Variants in SMAD4 observed in about 807,000 individuals in gnomAD.
SMAD4 encodes MAD homolog 4.
In SMAD4, 7 loss-of-function variants were observed where a neutral mutation model predicts 63.2. The observed-to-expected ratio is 0.11, with a 90% confidence interval of 0.06 to 0.21. The LOEUF is 0.21. Ranked by LOEUF, SMAD4 falls within the 10% of genes least tolerant of loss-of-function variation. The pLI, the probability that SMAD4 is intolerant of heterozygous loss-of-function variation, is 1.00. For synonymous variants in SMAD4, 215 were observed against 235.4 expected, an observed-to-expected ratio of 0.91 and a Z score of 0.79; for missense variants, 312 against 693.8, an observed-to-expected ratio of 0.45 and a Z score of 6.18.
chr18:51,058,874 C>G (rs1203903721), intron 7 of SMAD4, among the ~76,000 whole-genome samples: 1 of 152,108 alleles, frequency 6.6e-6, no homozygotes, highest in Admixed American at 6.5e-5. Flanking sequence ...TAACTCTGTG[C>G]TGGCATGATT....
intron 10 of SMAD4, among the ~76,000 whole-genome samples, chr18:51,074,920 G>C (rs910427449): frequency 1.3e-5 from 2 of 152,080 alleles, no homozygotes; most frequent in African/African-American, 4.8e-5. Context: ...TTGGGGTCTT[G>C]GCTGGTCTTG....
intron 1 of SMAD4, among the ~76,000 whole-genome samples, chr18:51,032,284 A>G (rs112992364): frequency 6.6e-6 from 1 of 151,532 alleles, no homozygotes; most frequent in Non-Finnish European, 1.5e-5. Flanking sequence ...CGTTTTTTTT[A>G]TTTTTGAAGT....
Position 51,077,326 on chromosome 18 carries a change from G to T in SMAD4, c.1447+550G>T, listed in dbSNP as rs976679411. On this transcript the variant is annotated intron_variant, in intron 11 of 11. Transcript: ENST00000342988. The stretch of plus-strand genomic sequence containing the variant: ...CTGCAGAGTTAAACTCCTGACTATA[G>T]ACTTTTATGATGGAAACACGTGGCA... The T allele has an allele frequency of 4.3e-6, 4 of 936,960 alleles. No homozygotes were observed. The Admixed American group carries it at 2.5e-4, about 58-fold the overall frequency. 58.0% of individuals were successfully genotyped at this position (936,960 alleles called of 1,614,324 possible). A position where few individuals can be genotyped will look rare whatever the true frequency, so the allele number is the denominator to read the frequency against.
intron 4 of SMAD4, chr18:51,051,412 G>C (rs7229678): frequency 0.37 from 167,042 of 455,358 alleles, 31,498 homozygotes; most frequent in East Asian, 0.45. Context: ...TGATACAAGA[G>C]CAGGTAACTA....
At chr18:51,044,878 CCCATGCAGGTTA>C (rs1387809524) in intron 1 of SMAD4, 1 of 152,182 alleles carries the variant, frequency 6.6e-6, no homozygotes, top group Non-Finnish European at 1.5e-5. Flanking sequence ...TCCAAAATCT[CCCATGCAGGTTA>C]TCTTTGGTTA....
intron 10 of SMAD4, among the ~76,000 whole-genome samples, chr18:51,075,177 T>C (rs1034926870): frequency 2.6e-5 from 4 of 152,008 alleles, no homozygotes; most frequent in African/African-American, 4.8e-5. Context: ...AGTAGAGAAA[T>C]AGGAGTAAGT....
intron 8 of SMAD4, among the ~76,000 whole-genome samples, chr18:51,063,312 GT>G (rs1910067613): frequency 6.6e-6 from 1 of 152,054 alleles, no homozygotes; most frequent in South Asian, 2.1e-4. Context: ...AATCTCTGTA[GT>G]TTTGGTTTAA....
At position 51,081,915 on chromosome 18, in the gene SMAD4, T is replaced by G. The variant is rs1439537965; in HGVS notation, c.*3448T>G. On this transcript the variant is annotated 3_prime_UTR_variant, in exon 12 of 12. Coordinates refer to ENST00000342988, the MANE Select transcript of SMAD4 (RefSeq NM_005359.6). Reference sequence around the variant, plus strand: ...AATGGTAAATGTTTCTGTGCCTGGTTTGATGGTAACTGGTTAATAGTTACT... The same window carrying G: ...AATGGTAAATGTTTCTGTGCCTGGTGTGATGGTAACTGGTTAATAGTTACT... The G allele has an allele frequency of 4.3e-6, 1 of 232,198 alleles. No individual in the cohort carries two copies. Among genetic ancestry groups the G allele is most frequent in the African/African-American group, 2.2e-5 (1 of 45,306 alleles). 14.4% of individuals were successfully genotyped at this position (232,198 alleles called of 1,614,324 possible). A position where few individuals can be genotyped will look rare whatever the true frequency, so the allele number is the denominator to read the frequency against.
chr18:51,046,042 G>A (rs960048942), intron 1 of SMAD4, among the ~76,000 whole-genome samples: 9 of 152,106 alleles, frequency 5.9e-5, no homozygotes, highest in African/African-American at 1.2e-4. Flanking sequence ...GGACATTTGA[G>A]TTGTATCCAT....
At chr18:51,054,675 A>T in intron 4 of SMAD4, 106 bp from the exon 5 acceptor site, 1 of 738,814 alleles carries the variant, frequency 1.4e-6, no homozygotes, top group Non-Finnish European at 2.3e-6. Context: ...TTAGTAATTT[A>T]CACTGTAATT....
At chr18:51,067,243 AGAATT>A in intron 10 of SMAD4, 56 bp downstream of exon 10, 1 of 996,552 alleles carries the variant, frequency 1.0e-6, no homozygotes. Flanking sequence ...TGTTGTCAAA[AGAATT>A]GAAATCTGGG....
At chr18:51,073,694 C>A (rs567764043) in intron 10 of SMAD4, among the ~76,000 whole-genome samples, 25 of 151,926 alleles carry the variant, frequency 1.6e-4, no homozygotes, top group African/African-American at 5.3e-4. Context: ...TCATGCCTGG[C>A]TAATTTTTGC....
Position 51,084,012 on chromosome 18 carries a change from G to GCA in SMAD4, c.*5576_*5577dup, listed in dbSNP as rs56017493. ...TTAACGCGCGTGCGCACGCGCGCGC[G>GCA]CACACACACACACACACACACACAC... On this transcript the variant is annotated 3_prime_UTR_variant, in exon 12 of 12. Coordinates refer to ENST00000342988, the MANE Select transcript of SMAD4 (RefSeq NM_005359.6). 0.15 allele frequency: 23,499 copies of GCA among 159,836 alleles called. 1,104 individuals are homozygous for GCA. The highest frequency in any genetic ancestry group is 0.19 in the African/African-American group (6,558 of 34,912). 9.9% of individuals were successfully genotyped at this position (159,836 alleles called of 1,614,324 possible). A position where few individuals can be genotyped will look rare whatever the true frequency, so the allele number is the denominator to read the frequency against.
At chr18:51,038,186 G>C (rs1909260559) in intron 1 of SMAD4, among the ~76,000 whole-genome samples, 2 of 150,566 alleles carry the variant, frequency 1.3e-5, no homozygotes, top group Non-Finnish European at 3.0e-5. Context: ...CAGCCAGGGA[G>C]TTCAAGGCTG....
chr18:51,050,038 A>G (rs534692347), intron 4 of SMAD4, among the ~76,000 whole-genome samples: 73 of 152,214 alleles, frequency 4.8e-4, no homozygotes, highest in African/African-American at 1.7e-3. Context: ...GTAAGAACTA[A>G]TTAATTTGCA....
Position 51,046,944 on chromosome 18 carries a change from A to G in SMAD4, c.-103A>G, listed in dbSNP as rs750823020. 45 of 1,040,854 alleles carry G rather than the reference A, an allele frequency of 4.3e-5. No individual in the cohort carries two copies. The highest frequency in any genetic ancestry group is 6.5e-5 in the Non-Finnish European group (44 of 680,810). 64.5% of individuals were successfully genotyped at this position (1,040,854 alleles called of 1,614,324 possible). On this transcript the variant is annotated 5_prime_UTR_variant, in exon 2 of 12. Coordinates refer to ENST00000342988, the MANE Select transcript of SMAD4 (RefSeq NM_005359.6). ...GGTTATCCTGAATACATGTCTAACA[A>G]TTTTCCTTGCAACGTTAGCTGTTGT...
intron 10 of SMAD4, among the ~76,000 whole-genome samples, chr18:51,070,037 G>A (rs1910274672): frequency 1.3e-5 from 2 of 152,146 alleles, no homozygotes; most frequent in Admixed American, 1.3e-4. Context: ...TCTGTTATTT[G>A]TATGTGGTTG....
rs1274512703 is a variant in SMAD4 at position 51,078,556 on chromosome 18, T to C, written c.*89T>C. On this transcript the variant is annotated 3_prime_UTR_variant, in exon 12 of 12. Coordinates refer to ENST00000342988, the MANE Select transcript of SMAD4 (RefSeq NM_005359.6). ...TATAATCTGAAGATATATTTCACTTTTGTTCTGCTTTATCTTTTCATAAAG... is the reference window on the plus strand; with the variant it reads ...TATAATCTGAAGATATATTTCACTTCTGTTCTGCTTTATCTTTTCATAAAG... The C allele has an allele frequency of 1.1e-6, 1 of 937,588 alleles. No individual in the cohort carries two copies. The highest frequency in any genetic ancestry group is 1.6e-6 in the Non-Finnish European group (1 of 608,624). 58.1% of individuals were successfully genotyped at this position (937,588 alleles called of 1,614,324 possible).
chr18:51,040,504 A>G (rs1909343986), intron 1 of SMAD4, among the ~76,000 whole-genome samples: 1 of 152,250 alleles, frequency 6.6e-6, no homozygotes. Flanking sequence ...AACACTTACA[A>G]CTTCTAGAAA....
Sources: gnomAD v4.1 joint callset for allele counts (sites outside exome capture counted in the v4.1 genomes callset) on GRCh38, gnomAD v4.1.1 for gene constraint, MANE v1.5 for transcripts, NCBI Gene and HGNC (gene_info 2026-07-23, HGNC 2026-07-21) for gene names.